VEPH1: variants seen among roughly 807,000 people sequenced by gnomAD.
The protein encoded by VEPH1 is ventricular zone-expressed PH domain-containing protein homolog 1.
A neutral mutation model predicts 85.2 loss-of-function variants in VEPH1; 80 were observed. The observed-to-expected ratio is 0.94, with a 90% CI of 0.78 to 1.13. VEPH1 has a LOEUF of 1.13. VEPH1 is among the 50% of genes most tolerant of loss of function. The probability of loss-of-function intolerance (pLI) is 0.00; values close to 1 mark genes in which losing one functional copy is unlikely to be tolerated. For synonymous variants in VEPH1, 297 were observed against 348.0 expected (o/e 0.85, Z 1.63); for missense variants, 955 against 980.5 (o/e 0.97, Z 0.35).
chr3:157,480,501 G>A (rs1204145530), intron 2 of VEPH1, among the ~76,000 whole-genome samples: 1 of 151,622 alleles, frequency 6.6e-6, no homozygotes, highest in African/African-American at 2.4e-5. Flanking sequence ...CCATCCTTAC[G>A]TCTATTTGTA....
chr3:157,288,809 C>T (rs112343876), intron 11 of VEPH1, among the ~76,000 whole-genome samples: 4 of 152,088 alleles, frequency 2.6e-5, no homozygotes, highest in African/African-American at 4.8e-5. Flanking sequence ...GATACTTTTC[C>T]GCATCCTCTA....
At chr3:157,398,644 A>AG (rs1730598437) in intron 6 of VEPH1, among the ~76,000 whole-genome samples, 1 of 151,894 alleles carries the variant, frequency 6.6e-6, no homozygotes, top group African/African-American at 2.4e-5. Flanking sequence ...AAGAAAAAAA[A>AG]AAAAAGGAGT....
intron 7 of VEPH1, among the ~76,000 whole-genome samples, chr3:157,380,870 T>C (rs1281018853): frequency 6.6e-6 from 1 of 152,254 alleles, no homozygotes; most frequent in Non-Finnish European, 1.5e-5. Context: ...TTTAAATTGT[T>C]AACTGCTTGT....
chr3:157,346,053 A>T (rs916694559), intron 9 of VEPH1, among the ~76,000 whole-genome samples: 6 of 152,060 alleles, frequency 3.9e-5, no homozygotes, highest in Non-Finnish European at 5.9e-5. Context: ...GGGGAGGGAT[A>T]GCATTAGGAG....
At chr3:157,341,840 T>C (rs1166204800) in intron 9 of VEPH1, among the ~76,000 whole-genome samples, 7 of 151,982 alleles carry the variant, frequency 4.6e-5, no homozygotes, top group Non-Finnish European at 7.4e-5. Flanking sequence ...GCAGAAACTC[T>C]ACAAGCCAGA....
chr3:157,346,974 G>A (rs1373436731), intron 9 of VEPH1, among the ~76,000 whole-genome samples: 1 of 152,020 alleles, frequency 6.6e-6, no homozygotes, highest in Non-Finnish European at 1.5e-5. Context: ...ATTATTTGCT[G>A]TTGCAAATAA....
Position 157,460,323 on chromosome 3 carries a change from G to A in VEPH1, c.387C>T (p.Ala129=), listed in dbSNP as rs1281872168. Residue 129 remains alanine (A), a synonymous_variant, in exon 4 of 14, where the codon GCC becomes GCT. Transcript: ENST00000362010. The part of the protein sequence containing the change: ...NYNRPPVMAL[A]IPIAVKFLHR... ...GGAGGAATTTCACTGCAATGGGGATGGCTAATGCCATCACTGGGGGTCGGT... is the reference window on the plus strand; with the variant it reads ...GGAGGAATTTCACTGCAATGGGGATAGCTAATGCCATCACTGGGGGTCGGT... 3.7e-6 allele frequency: 6 copies of A among 1,613,564 alleles called. No individual in the cohort carries two copies. Among genetic ancestry groups the A allele is most frequent in the South Asian group, 2.2e-5 (2 of 91,048 alleles).
At chr3:157,452,073 T>C (rs1735010877) in intron 4 of VEPH1, among the ~76,000 whole-genome samples, 1 of 152,180 alleles carries the variant, frequency 6.6e-6, no homozygotes, top group African/African-American at 2.4e-5. Context: ...GATGTGATTG[T>C]GTGATTGACA....
chr3:157,369,194 A>AAAAAAAAAAAAAC (rs1560001318), intron 7 of VEPH1, among the ~76,000 whole-genome samples: 6 of 144,960 alleles, frequency 4.1e-5, no homozygotes, highest in Non-Finnish European at 7.6e-5. Context: ...AAAAAAAAAA[A>AAAAAAAAAAAAAC]AAAAAAAAAA....
At chr3:157,310,099 T>G (rs925785270) in intron 11 of VEPH1, among the ~76,000 whole-genome samples, 1 of 152,222 alleles carries the variant, frequency 6.6e-6, no homozygotes, top group Admixed American at 6.5e-5. Context: ...CTGGCTGAAT[T>G]TGATTGAATT....
intron 5 of VEPH1, among the ~76,000 whole-genome samples, chr3:157,420,558 C>T (rs890015781): frequency 3.9e-5 from 6 of 152,122 alleles, no homozygotes; most frequent in African/African-American, 1.4e-4. Context: ...TTCCAAAAAC[C>T]ATAGTTCTGC....
rs143104383 is a variant in VEPH1, at chr3:157,422,271, G to T, written c.696+6051C>A. On this transcript the variant is annotated intron_variant, in intron 5 of 13. Coordinates refer to ENST00000362010, the MANE Select transcript of VEPH1 (RefSeq NM_001167912.2). ...CAGTGGGGGACATGAAAGTTGAAAG[G>T]CTGATAAAGATGAAGTGCATGTGAA... is the stretch of plus-strand genomic sequence containing the variant. Among the ~76,000 whole-genome samples, 550 of 152,266 alleles carry T rather than the reference G, an allele frequency of 3.6e-3. 2 individuals carry two copies. Among genetic ancestry groups the T allele is most frequent in the African/African-American group, 0.013 (533 of 41,560 alleles).
chr3:157,298,699 G>A (rs928577580), intron 11 of VEPH1, among the ~76,000 whole-genome samples: 6 of 152,008 alleles, frequency 3.9e-5, no homozygotes, highest in African/African-American at 1.5e-4. Context: ...ACCCAGAAAT[G>A]AGGCATCAAA....
chr3:157,297,777 G>A (rs917677777), intron 11 of VEPH1, among the ~76,000 whole-genome samples: 8 of 152,052 alleles, frequency 5.3e-5, no homozygotes, highest in African/African-American at 1.9e-4. Flanking sequence ...GATTTAATAC[G>A]ACGAAGAAAG....
chr3:157,315,822 C>G (rs1720693342), intron 10 of VEPH1: 1 of 151,480 alleles, frequency 6.6e-6, no homozygotes, highest in East Asian at 1.9e-4. Flanking sequence ...AAACTGACAA[C>G]TGTTTAGAAC....
intron 12 of VEPH1, among the ~76,000 whole-genome samples, chr3:157,275,394 G>A (rs1345600340): frequency 6.6e-6 from 1 of 152,066 alleles, no homozygotes; most frequent in Non-Finnish European, 1.5e-5. Flanking sequence ...TGGGCAACAT[G>A]GTGAAATTCT....
At chr3:157,480,408 A>C (rs1052866387) in intron 2 of VEPH1, among the ~76,000 whole-genome samples, 1 of 152,178 alleles carries the variant, frequency 6.6e-6, no homozygotes, top group African/African-American at 2.4e-5. Context: ...TCACCCAGCT[A>C]GTGAGTATAG....
intron 9 of VEPH1, among the ~76,000 whole-genome samples, chr3:157,331,849 T>C (rs552295197): frequency 7.0e-4 from 106 of 152,344 alleles, no homozygotes; most frequent in South Asian, 1.2e-3. Flanking sequence ...TAAGCTTTAT[T>C]ATCACAGGAC....
intron 11 of VEPH1, among the ~76,000 whole-genome samples, chr3:157,306,847 G>GT (rs1258768633): frequency 6.6e-6 from 1 of 151,946 alleles, no homozygotes; most frequent in Non-Finnish European, 1.5e-5. Flanking sequence ...CCAATATGTA[G>GT]TTTTTTAGCT....
Sources: gnomAD v4.1 joint callset for allele counts (sites outside exome capture counted in the v4.1 genomes callset) on GRCh38, gnomAD v4.1.1 for gene constraint, MANE v1.5 for transcripts, NCBI Gene and HGNC (gene_info 2026-07-23, HGNC 2026-07-21) for gene names.